The following SLC6A5 variants were observed in gnomAD, a reference collection of about 807,000 sequenced individuals.
SLC6A5 encodes the protein sodium- and chloride-dependent glycine transporter 2.
SLC6A5 carries 58 observed loss-of-function variants against 90.5 expected under a neutral mutation model. The ratio of observed to expected loss-of-function variants is 0.64; its 90% confidence interval spans 0.52 to 0.80. The LOEUF (loss-of-function observed/expected upper bound fraction) is 0.80. Ranked by LOEUF, SLC6A5 falls within the 30% of genes least tolerant of loss-of-function variation. SLC6A5 has a pLI of 0.00. For missense variants in SLC6A5, 1,015 were observed against 1,017.6 expected, an observed-to-expected ratio of 1.00 and a Z score of 0.03; for synonymous variants, 427 against 401.4, an observed-to-expected ratio of 1.06 and a Z score of -0.76.
At chr11:20,635,079 T>C (rs1385386898) in intron 10 of SLC6A5, among the ~76,000 whole-genome samples, 2 of 150,914 alleles carry the variant, frequency 1.3e-5, no homozygotes, top group African/African-American at 4.9e-5. Flanking sequence ...CCACATGAAG[T>C]GTTCTAGAGA....
chr11:20,650,925 C>T (rs1398345776), intron 14 of SLC6A5, among the ~76,000 whole-genome samples: 2 of 152,026 alleles, frequency 1.3e-5, no homozygotes, highest in Non-Finnish European at 2.9e-5. Context: ...CTCGGCCTCC[C>T]AAAGTGCTGG....
chr11:20,640,189 C>T (rs536942129), intron 13 of SLC6A5, among the ~76,000 whole-genome samples: 10 of 152,250 alleles, frequency 6.6e-5, no homozygotes, highest in Admixed American at 3.9e-4. Context: ...TTGGCAAAGT[C>T]GGGAAAGCAC....
intron 13 of SLC6A5, among the ~76,000 whole-genome samples, chr11:20,645,173 C>G (rs1853388678): frequency 6.6e-6 from 1 of 152,032 alleles, no homozygotes; most frequent in South Asian, 2.1e-4. Context: ...AGGAAAACTC[C>G]AGTCTCTGCT....
intron 3 of SLC6A5, among the ~76,000 whole-genome samples, chr11:20,605,024 T>C (rs1259247795): frequency 6.6e-6 from 1 of 152,184 alleles, no homozygotes; most frequent in Non-Finnish European, 1.5e-5. Flanking sequence ...GGTGCTGCTG[T>C]TGAATGAAAG....
chr11:20,607,281 T>C lies in SLC6A5; in HGVS notation c.811+143T>C, dbSNP rs545257725. On this transcript the variant is annotated intron_variant, in intron 4 of 15. Coordinates refer to ENST00000525748, the MANE Select transcript of SLC6A5 (RefSeq NM_004211.5). ...TCCTTTATTTGATCCTTCTGAATAA[T>C]GGCCCAAGATCACCTCTGGCATTGT... The C allele has an allele frequency of 1.4e-4, 190 of 1,319,742 alleles. No individual in the cohort carries two copies. The African/African-American group carries it at 2.4e-3, about 17-fold the overall frequency. 81.8% of individuals were successfully genotyped at this position (1,319,742 alleles called of 1,614,324 possible). A position where few individuals can be genotyped will look rare whatever the true frequency, so the allele number is the denominator to read the frequency against.
chr11:20,630,270 A>G (rs1159677223), intron 9 of SLC6A5, among the ~76,000 whole-genome samples: 2 of 152,168 alleles, frequency 1.3e-5, no homozygotes, highest in East Asian at 1.9e-4. Context: ...AGGCAGACAC[A>G]TTCCCTTCAG....
chr11:20,637,572 T>A (rs1853233735), intron 12 of SLC6A5, among the ~76,000 whole-genome samples: 1 of 152,042 alleles, frequency 6.6e-6, no homozygotes, highest in Non-Finnish European at 1.5e-5. Flanking sequence ...AGAAAATAGG[T>A]GCAGTGGCGC....
chr11:20,633,674 G>A (rs1435320428), intron 10 of SLC6A5, among the ~76,000 whole-genome samples: 6 of 152,166 alleles, frequency 3.9e-5, no homozygotes. Flanking sequence ...ACTAATAATG[G>A]TCTATGTTTT....
chr11:20,654,693 T>A lies in SLC6A5; in HGVS notation c.2239-20T>A. 6.2e-7 allele frequency: 1 copy of A among 1,614,096 alleles called. No homozygotes were observed. The highest frequency in any genetic ancestry group is 8.5e-7 in the Non-Finnish European group (1 of 1,179,970). On this transcript the variant is annotated intron_variant, in intron 15 of 15. Transcript: ENST00000525748. ...GGTGCACTACTTCTGTGACCATGTC[T>A]GTCTTTGGCTTCTTTGCAGAGGCTG...
chr11:20,606,681 G>A (rs1307883739), intron 3 of SLC6A5, among the ~76,000 whole-genome samples: 1 of 152,094 alleles, frequency 6.6e-6, no homozygotes, highest in Non-Finnish European at 1.5e-5. Context: ...TGAGCTCTGG[G>A]AGGGCTTCAT....
chr11:20,610,503 T>C (rs1453295914), intron 5 of SLC6A5, among the ~76,000 whole-genome samples: 3 of 152,246 alleles, frequency 2.0e-5, no homozygotes, highest in Non-Finnish European at 2.9e-5. Context: ...ATTTGGTGTT[T>C]GCCCTCGTGT....
At chr11:20,645,707 C>T (rs1363783635) in intron 13 of SLC6A5, among the ~76,000 whole-genome samples, 1 of 144,184 alleles carries the variant, frequency 6.9e-6, no homozygotes, top group Non-Finnish European at 1.5e-5. Flanking sequence ...GGTGCGATCT[C>T]GGCTCACTAC....
Position 20,606,984 on chromosome 11 carries a change from T to A in SLC6A5, c.680-23T>A, listed in dbSNP as rs558470101. On this transcript the variant is annotated intron_variant, in intron 3 of 15. Coordinates refer to ENST00000525748, the MANE Select transcript of SLC6A5 (RefSeq NM_004211.5). ...AGCCTGCTTTTGCCTCCTAGGGCTC[T>A]CACTCCCCACTCTCTTTCCAAGGTG... is the stretch of plus-strand genomic sequence containing the variant. The A allele has an allele frequency of 5.6e-6, 9 of 1,614,038 alleles. No homozygotes were observed. In the South Asian group the frequency reaches 6.6e-5, roughly 12 times the overall value.
chr11:20,655,231 C>A lies in SLC6A5; in HGVS notation c.*363C>A. 2.8e-6 allele frequency: 1 copy of A among 354,206 alleles called. No individual in the cohort carries two copies. The highest frequency in any genetic ancestry group is 2.3e-5 in the South Asian group (1 of 43,872). The allele number at this position is 354,206 out of a possible 1,614,324, so 21.9% of individuals were successfully genotyped here. A position where few individuals can be genotyped will look rare whatever the true frequency, so the allele number is the denominator to read the frequency against. On this transcript the variant is annotated 3_prime_UTR_variant, in exon 16 of 16. Transcript: ENST00000525748. ...GATGGCATGGGGGGTGCCAGTAAGG[C>A]ATGTATAGAGTGGCCGAATTACAAG...
Position 20,629,750 on chromosome 11 carries a change from G to T in SLC6A5, c.1500-941G>T, listed in dbSNP as rs1853071841. On this transcript the variant is annotated intron_variant, in intron 9 of 15. Transcript: ENST00000525748. ...GGATGATTTTTTTTTTTTTTTTTGA[G>T]ATGGAGTTTCGCTCTTGTTGCCCAG... 4.2e-5 allele frequency among the ~76,000 whole-genome samples: 6 copies of T among 143,900 alleles called. No homozygotes were observed. The South Asian group carries it at 1.3e-3, about 31-fold the overall frequency. 94.4% of individuals were successfully genotyped at this position (143,900 alleles called of 152,430 possible).
intron 15 of SLC6A5, 128 bp from the exon 16 acceptor site, chr11:20,654,585 A>G (rs1853604682): frequency 3.6e-6 from 3 of 837,512 alleles, no homozygotes; most frequent in South Asian, 1.4e-5. Flanking sequence ...CTCTTGGTAG[A>G]GGGCCTCTTG....
chr11:20,646,797 TG>T, intron 13 of SLC6A5, 36 bp from the exon 14 acceptor site: 1 of 1,431,030 alleles, frequency 7.0e-7, no homozygotes, highest in South Asian at 1.1e-5. Flanking sequence ...TTCCTGCTAC[TG>T]TGCCTTATAC....
At chr11:20,624,697 C>T (rs751498121) in intron 7 of SLC6A5, among the ~76,000 whole-genome samples, 26 of 152,172 alleles carry the variant, frequency 1.7e-4, no homozygotes, top group Admixed American at 9.2e-4. Context: ...AACCAATAGC[C>T]GTCACCCCAT....
rs1192616463 is a variant in SLC6A5, at chr11:20,655,237, T to G, written c.*369T>G. ...ATGGGGGGTGCCAGTAAGGCATGTA[T>G]AGAGTGGCCGAATTACAAGACTTTA... On this transcript the variant is annotated 3_prime_UTR_variant, in exon 16 of 16. Coordinates refer to ENST00000525748, the MANE Select transcript of SLC6A5 (RefSeq NM_004211.5). The G allele has an allele frequency of 2.9e-6, 1 of 341,928 alleles. No homozygotes were observed. Among genetic ancestry groups the G allele is most frequent in the East Asian group, 7.3e-5 (1 of 13,764 alleles). The allele number at this position is 341,928 out of a possible 1,614,324, so 21.2% of individuals were successfully genotyped here.
Sources: gnomAD v4.1 joint callset for allele counts (sites outside exome capture counted in the v4.1 genomes callset) on GRCh38, gnomAD v4.1.1 for gene constraint, MANE v1.5 for transcripts, NCBI Gene and HGNC (gene_info 2026-07-23, HGNC 2026-07-21) for gene names.